Variants in ADGRF4 observed in about 807,000 individuals in gnomAD.
The protein encoded by ADGRF4 is G-protein coupled receptor PGR18.
In ADGRF4, 63 loss-of-function variants were observed where a neutral mutation model predicts 58.5. The observed-to-expected ratio is 1.08, with a 90% CI of 0.88 to 1.33. The LOEUF is 1.33. ADGRF4 is among the 40% of genes most tolerant of loss of function. The pLI is 0.00. For missense variants in ADGRF4, 931 were observed against 843.9 expected (o/e 1.10, Z -1.28); for synonymous variants, 313 against 295.4 (o/e 1.06, Z -0.61).
chr6:47,708,555 T>G (rs1049764090), intron 3 of ADGRF4, among the ~76,000 whole-genome samples: 3 of 152,184 alleles, frequency 2.0e-5, no homozygotes, highest in Non-Finnish European at 4.4e-5. Flanking sequence ...TTCAAAGTAA[T>G]GAGTTAACAG....
intron 4 of ADGRF4, 143 bp from the exon 5 acceptor site, chr6:47,712,214 C>A: frequency 1.4e-6 from 1 of 693,236 alleles, no homozygotes. Flanking sequence ...ATCGTCTCCA[C>A]CCCCCTCTGC....
rs77993392 is a variant in ADGRF4, at chr6:47,719,922, G to C, written c.*4-1287G>C. On this transcript the variant is annotated intron_variant, in intron 9 of 9. Coordinates refer to ENST00000283303, the MANE Select transcript of ADGRF4 (RefSeq NM_153838.5). ...TCACATAATTCTCTATCAAGTTGCT[G>C]TATTTTTGAAGCTACATGAGGTAGG... is the stretch of plus-strand genomic sequence containing the variant. 1.2e-3 allele frequency among the ~76,000 whole-genome samples: 180 copies of C among 152,306 alleles called. 7 individuals are homozygous for C. In the East Asian group the frequency reaches 0.025, roughly 21 times the overall value.
At chr6:47,719,671 T>C (rs758603419) in intron 9 of ADGRF4, among the ~76,000 whole-genome samples, 11 of 152,180 alleles carry the variant, frequency 7.2e-5, no homozygotes, top group Non-Finnish European at 1.6e-4. Context: ...TGGGGGATAC[T>C]GTGTCCAGCC....
chr6:47,704,236 G>A (rs907489892), intron 1 of ADGRF4, among the ~76,000 whole-genome samples: 2 of 152,018 alleles, frequency 1.3e-5, no homozygotes, highest in Non-Finnish European at 2.9e-5. Flanking sequence ...TAGAGATGGG[G>A]TTTCACCACG....
chr6:47,719,589 A>C (rs1020311437), intron 9 of ADGRF4, among the ~76,000 whole-genome samples: 1 of 152,140 alleles, frequency 6.6e-6, no homozygotes, highest in Non-Finnish European at 1.5e-5. Flanking sequence ...TGGCCTTTCT[A>C]TTAAGGTCCT....
At chr6:47,715,348 C>T (rs973895595) in intron 6 of ADGRF4, 171 bp downstream of exon 6, 5 of 567,658 alleles carry the variant, frequency 8.8e-6, no homozygotes, top group Admixed American at 3.3e-5. Context: ...ATTTAGCTGA[C>T]CAGGGTGGTT....
chr6:47,714,771 T>A lies in ADGRF4; in HGVS notation c.1526T>A (p.Met509Lys). The A allele has an allele frequency of 6.2e-7, 1 of 1,613,972 alleles. No homozygotes were observed. The highest frequency in any genetic ancestry group is 1.1e-5 in the South Asian group (1 of 91,082). Reference sequence around the variant, plus strand: ...GGAATATTGGTCATTTTCCGTAGGATGATGAAGTCCCGAATGATGGTCATT... The same window carrying A: ...GGAATATTGGTCATTTTCCGTAGGAAGATGAAGTCCCGAATGATGGTCATT... ...IYGILVIFRRMMKSRMMVIGF... is the reference protein window; with the variant it reads ...IYGILVIFRRKMKSRMMVIGF... Residue 509 changes from methionine to lysine, a missense_variant, in exon 6 of 10, where the codon ATG (methionine) becomes AAG (lysine). Met to Lys is a moderately conservative substitution (Grantham distance 95). Coordinates refer to ENST00000283303, the MANE Select transcript of ADGRF4 (RefSeq NM_153838.5).
intron 9 of ADGRF4, among the ~76,000 whole-genome samples, chr6:47,718,661 AT>A (rs11476874): frequency 0.57 from 86,819 of 151,958 alleles, 25,626 homozygotes; most frequent in Middle Eastern, 0.69. Context: ...CTCAGCTTAC[AT>A]GACCAAACCC....
At chr6:47,704,476 T>C (rs1282919221) in intron 1 of ADGRF4, among the ~76,000 whole-genome samples, 1 of 152,178 alleles carries the variant, frequency 6.6e-6, no homozygotes, top group Non-Finnish European at 1.5e-5. Flanking sequence ...ATAGGTTTCT[T>C]TTCTCCTTGA....
At position 47,710,766 on chromosome 6, in the gene ADGRF4, C is replaced by G; in HGVS notation, c.180C>G (p.Ser60=). ...GCGAAGGACCTTGTATTTCTTCTTC[C>G]AACTGCAGCCAGCCCTGTGCTAAGG... ...EKCEGPCISS[S]NCSQPCAKDF... is the part of the protein sequence containing the mutation. Residue 60 remains serine, a synonymous_variant, in exon 4 of 10, where the codon TCC becomes TCG. Transcript: ENST00000283303. 1 of 1,607,034 alleles carries G rather than the reference C, an allele frequency of 6.2e-7. No homozygotes were observed. The highest frequency in any genetic ancestry group is 2.2e-5 in the East Asian group (1 of 44,448).
At chr6:47,702,507 C>G (rs969834453) in intron 1 of ADGRF4, among the ~76,000 whole-genome samples, 5 of 152,222 alleles carry the variant, frequency 3.3e-5, no homozygotes, top group Non-Finnish European at 7.3e-5. Flanking sequence ...TTCTTCTGTT[C>G]CATTTTCTTT....
In ADGRF4 at chr6:47,721,325, T is replaced by C. The variant is rs1383729628; in HGVS notation, c.*120T>C. On this transcript the variant is annotated 3_prime_UTR_variant, in exon 10 of 10. Coordinates refer to ENST00000283303, the MANE Select transcript of ADGRF4 (RefSeq NM_153838.5). ...TCATGCTTCCTTGGAAGACTTTCTCTTCTTGTCAGGAGTGACTCCCAAGCT... is the reference window on the plus strand; with the variant it reads ...TCATGCTTCCTTGGAAGACTTTCTCCTCTTGTCAGGAGTGACTCCCAAGCT... 6.6e-6 allele frequency: 1 copy of C among 152,182 alleles called. No homozygotes were observed. The highest frequency in any genetic ancestry group is 2.4e-5 in the African/African-American group (1 of 41,444). The allele number at this position is 152,182 out of a possible 1,614,324, so 9.4% of individuals were successfully genotyped here.
intron 3 of ADGRF4, among the ~76,000 whole-genome samples, chr6:47,709,543 G>T (rs778292849): frequency 5.3e-4 from 81 of 152,280 alleles, no homozygotes; most frequent in Non-Finnish European, 9.4e-4. Context: ...GATAAACAAT[G>T]AATAATATCG....
Position 47,700,944 on chromosome 6 carries a change from T to TTTTTTTG in ADGRF4, c.-17+2151_-17+2152insTTTTTGT, listed in dbSNP as rs1459788956. ...AGAAACATCAGGTGTTTACATTTTT[T>TTTTTTTG]TGCCTATTTCACTAGGTGTGGCCTA... On this transcript the variant is annotated intron_variant, in intron 1 of 9. Transcript: ENST00000283303. Among the ~76,000 whole-genome samples the TTTTTTTG allele has an allele frequency of 2.3e-3, 352 of 151,744 alleles. 1 individual carries two copies. Among genetic ancestry groups the TTTTTTTG allele is most frequent in the African/African-American group, 8.2e-3 (339 of 41,126 alleles).
chr6:47,705,567 T>C (rs532402912), intron 1 of ADGRF4, among the ~76,000 whole-genome samples: 17 of 152,360 alleles, frequency 1.1e-4, no homozygotes, highest in African/African-American at 3.6e-4. Context: ...TTCCCCTCTG[T>C]TCATTGGTTA....
chr6:47,707,903 A>G (rs891782236), intron 2 of ADGRF4, among the ~76,000 whole-genome samples: 1 of 152,154 alleles, frequency 6.6e-6, no homozygotes, highest in Admixed American at 6.6e-5. Context: ...CAGAGAACAG[A>G]TTAGTGGTTT....
At chr6:47,716,097 C>T (rs1404673985) in intron 6 of ADGRF4, among the ~76,000 whole-genome samples, 1 of 151,824 alleles carries the variant, frequency 6.6e-6, no homozygotes, top group African/African-American at 2.4e-5. Context: ...TTAATTAAAC[C>T]CTGGGAAATT....
At chr6:47,713,365 A>G (rs1179837939) in intron 5 of ADGRF4, among the ~76,000 whole-genome samples, 1 of 152,228 alleles carries the variant, frequency 6.6e-6, no homozygotes, top group Non-Finnish European at 1.5e-5. Context: ...AAGTTTCCAT[A>G]TGGCAGGACT....
At position 47,700,474 on chromosome 6, in the gene ADGRF4, G is replaced by A. The variant is rs144957574; in HGVS notation, c.-17+1680G>A. Among the ~76,000 whole-genome samples, 163 of 152,316 alleles carry A rather than the reference G, an allele frequency of 1.1e-3. 1 individual carries two copies. Among genetic ancestry groups the A allele is most frequent in the African/African-American group, 3.9e-3 (161 of 41,566 alleles). ...GGTACAAGCAAGATGGGACAAATAG[G>A]AGATGGTGTTTCAGAACAGCTGGGG... On this transcript the variant is annotated intron_variant, in intron 1 of 9. Transcript: ENST00000283303.
Sources: allele counts gnomAD v4.1 joint callset (sites outside exome capture counted in the v4.1 genomes callset), GRCh38; gene constraint gnomAD v4.1.1; transcripts MANE v1.5; gene names NCBI Gene and HGNC (gene_info 2026-07-23, HGNC 2026-07-21).